GBE1: variants seen among roughly 807,000 people sequenced by gnomAD.
The protein encoded by GBE1 is 1,4-alpha-glucan branching enzyme 1.
Under a neutral mutation model 88.8 loss-of-function variants are expected in GBE1, and 70 were observed. The observed-to-expected ratio is 0.79, with a 90% CI of 0.65 to 0.96. GBE1 has a LOEUF of 0.96. Ranked by LOEUF, GBE1 falls within the 40% of genes least tolerant of loss-of-function variation. The pLI is 0.00. For synonymous variants in GBE1, 284 were observed against 300.1 expected, an observed-to-expected ratio of 0.95 and a Z score of 0.56; for missense variants, 872 against 871.0, an observed-to-expected ratio of 1.00 and a Z score of -0.01.
intron 1 of GBE1, among the ~76,000 whole-genome samples, chr3:81,714,902 C>G (rs957620765): frequency 6.6e-6 from 1 of 152,100 alleles, no homozygotes; most frequent in African/African-American, 2.4e-5. Context: ...TAAACACTCC[C>G]CAATCTCTTC....
chr3:81,750,448 G>T lies in GBE1; in HGVS notation c.143+10927C>A, dbSNP rs543743978. Among the ~76,000 whole-genome samples, 8 of 145,992 alleles carry T rather than the reference G, an allele frequency of 5.5e-5. No homozygotes were observed. The South Asian group carries it at 1.5e-3, about 28-fold the overall frequency. ...TCTATTCTCCAAATAACTGAAAACT[G>T]ACCATTTTTTCATGAGCCCAAGATA... is the stretch of plus-strand genomic sequence containing the variant. On this transcript the variant is annotated intron_variant, in intron 1 of 15. Transcript: ENST00000429644.
chr3:81,708,637 ACT>A (rs1431424618), intron 1 of GBE1, among the ~76,000 whole-genome samples: 3 of 152,096 alleles, frequency 2.0e-5, no homozygotes, highest in East Asian at 1.9e-4. Context: ...TCTTCAAGTA[ACT>A]CTATTTTTAG....
At chr3:81,726,342 C>T (rs116360008) in intron 1 of GBE1, among the ~76,000 whole-genome samples, 8 of 151,774 alleles carry the variant, frequency 5.3e-5, no homozygotes, top group Non-Finnish European at 8.8e-5. Flanking sequence ...TGTTTGTGAG[C>T]GTGGTTTTGA....
At chr3:81,725,795 G>T (rs1376708220) in intron 1 of GBE1, among the ~76,000 whole-genome samples, 6 of 152,150 alleles carry the variant, frequency 3.9e-5, no homozygotes, top group Non-Finnish European at 8.8e-5. Context: ...AACCACCACT[G>T]AAGATGTGGT....
At chr3:81,748,686 G>A (rs1444609296) in intron 1 of GBE1, among the ~76,000 whole-genome samples, 1 of 152,002 alleles carries the variant, frequency 6.6e-6, no homozygotes, top group African/African-American at 2.4e-5. Flanking sequence ...ACTGCATCCA[G>A]TGGAATGCAA....
intron 10 of GBE1, among the ~76,000 whole-genome samples, chr3:81,585,024 A>AT (rs1028069750): frequency 1.3e-5 from 2 of 151,948 alleles, no homozygotes; most frequent in Admixed American, 6.6e-5. Context: ...AAACTACAGC[A>AT]TTTTTTTTAA....
intron 7 of GBE1, among the ~76,000 whole-genome samples, chr3:81,621,795 A>G (rs1158454612): frequency 6.6e-6 from 1 of 152,016 alleles, no homozygotes; most frequent in Non-Finnish European, 1.5e-5. Context: ...GGACAATACC[A>G]TATTTCCTCT....
At chr3:81,748,604 ACT>A (rs1344448357) in intron 1 of GBE1, among the ~76,000 whole-genome samples, 7 of 151,570 alleles carry the variant, frequency 4.6e-5, no homozygotes, top group African/African-American at 1.2e-4. Flanking sequence ...GAGCAAGGAG[ACT>A]CTGTCTCAAA....
At chr3:81,718,567 A>G (rs1289208182) in intron 1 of GBE1, among the ~76,000 whole-genome samples, 1 of 152,048 alleles carries the variant, frequency 6.6e-6, no homozygotes, top group Non-Finnish European at 1.5e-5. Context: ...TAAACCCAAG[A>G]TTTTACCTCC....
intron 1 of GBE1, among the ~76,000 whole-genome samples, chr3:81,743,888 TTAA>T (rs2107223021): frequency 6.6e-6 from 1 of 152,300 alleles, no homozygotes; most frequent in South Asian, 2.1e-4. Flanking sequence ...TTAGCCACTG[TTAA>T]GTATGTGGCA....
chr3:81,597,861 T>C (rs1364091944), intron 7 of GBE1, among the ~76,000 whole-genome samples: 1 of 151,918 alleles, frequency 6.6e-6, no homozygotes, highest in Non-Finnish European at 1.5e-5. Flanking sequence ...TCTGAAATAT[T>C]CAACCTGTAA....
At chr3:81,684,933 C>A (rs1705411325) in intron 2 of GBE1, among the ~76,000 whole-genome samples, 1 of 152,186 alleles carries the variant, frequency 6.6e-6, no homozygotes, top group Non-Finnish European at 1.5e-5. Flanking sequence ...GAGCATGACT[C>A]AGGCTACTCT....
rs192905138 is a variant in GBE1 at position 81,694,308 on chromosome 3, C to A, written c.313+11136G>T. Among the ~76,000 whole-genome samples, 228 of 152,292 alleles carry A rather than the reference C, an allele frequency of 1.5e-3. 1 individual carries two copies. Among genetic ancestry groups the A allele is most frequent in the African/African-American group, 5.4e-3 (224 of 41,542 alleles). ...GGAACAAATGAATCAAAAATGTTTT[C>A]TTCCTCTTTGAACAGAAAGATACAT... On this transcript the variant is annotated intron_variant, in intron 2 of 15. Transcript: ENST00000429644.
chr3:81,655,739 C>T lies in GBE1; in HGVS notation c.430-5818G>A, dbSNP rs185367907. Among the ~76,000 whole-genome samples the T allele has an allele frequency of 4.3e-3, 648 of 152,046 alleles. 2 individuals are homozygous for T. Among genetic ancestry groups the T allele is most frequent in the African/African-American group, 0.014 (565 of 41,460 alleles). ...TTCACCATGTCGGCCAGGCTGCTCTCGAACTCCTGACCTCAGGTGATCCAC... is the reference window on the plus strand; with the variant it reads ...TTCACCATGTCGGCCAGGCTGCTCTTGAACTCCTGACCTCAGGTGATCCAC... On this transcript the variant is annotated intron_variant, in intron 3 of 15. Transcript: ENST00000429644.
At position 81,761,510 on chromosome 3, in the gene GBE1, G is replaced by A. The variant is rs1274008487; in HGVS notation, c.8C>T (p.Ala3Val). Residue 3 changes from alanine to valine, a missense_variant, in exon 1 of 16, where the codon GCT (alanine) becomes GTT (valine). Ala to Val is a moderately conservative substitution (Grantham distance 64). Coordinates refer to ENST00000429644, the MANE Select transcript of GBE1 (RefSeq NM_000158.4). ...GGGCCGAGCCGCGGGAGTCATCGGA[G>A]CCGCCATATTCCGCCGCAGTCCAAG... is the stretch of plus-strand genomic sequence containing the variant. The part of the protein sequence containing the change: MA[A>V]PMTPAARPED... 3 of 1,601,990 alleles carry A rather than the reference G, an allele frequency of 1.9e-6. No homozygotes were observed. Among genetic ancestry groups the A allele is most frequent in the Non-Finnish European group, 2.6e-6 (3 of 1,175,928 alleles).
At chr3:81,525,649 A>C (rs1032130941) in intron 14 of GBE1, among the ~76,000 whole-genome samples, 3 of 152,020 alleles carry the variant, frequency 2.0e-5, no homozygotes, top group African/African-American at 7.2e-5. Flanking sequence ...TCGGCTGTGA[A>C]TCCATCTGGT....
chr3:81,556,286 C>T (rs1048224093), intron 12 of GBE1, among the ~76,000 whole-genome samples: 1 of 151,558 alleles, frequency 6.6e-6, no homozygotes, highest in African/African-American at 2.4e-5. Context: ...ATAAACAAAG[C>T]TATTCATAGA....
At chr3:81,677,859 T>G (rs1705283447) in intron 2 of GBE1, among the ~76,000 whole-genome samples, 3 of 152,186 alleles carry the variant, frequency 2.0e-5, no homozygotes, top group Admixed American at 2.0e-4. Flanking sequence ...CATATTAGTT[T>G]AGCTTAGGTG....
intron 12 of GBE1, among the ~76,000 whole-genome samples, chr3:81,543,115 G>A (rs1010008911): frequency 6.6e-6 from 1 of 151,940 alleles, no homozygotes; most frequent in Non-Finnish European, 1.5e-5. Flanking sequence ...AAATTTCTAA[G>A]TTAGAAAATA....
Sources: allele counts gnomAD v4.1 joint callset (sites outside exome capture counted in the v4.1 genomes callset), GRCh38; gene constraint gnomAD v4.1.1; transcripts MANE v1.5; gene names NCBI Gene and HGNC (gene_info 2026-07-23, HGNC 2026-07-21).